The following ZNF804B variants were observed in gnomAD, a reference collection of about 807,000 sequenced individuals.
ZNF804B encodes the protein zinc finger protein 804B.
In ZNF804B, 80 loss-of-function variants were observed where a neutral mutation model predicts 101.4. That is an observed-to-expected ratio of 0.79 (90% CI 0.66 to 0.95). The LOEUF is 0.95. ZNF804B is among the 40% of genes least tolerant of loss of function. The pLI, the probability that ZNF804B is intolerant of heterozygous loss-of-function variation, is 0.00. For missense variants in ZNF804B, 1,673 were observed against 1,561.9 expected, an observed-to-expected ratio of 1.07 and a Z score of -1.20; for synonymous variants, 622 against 558.8, an observed-to-expected ratio of 1.11 and a Z score of -1.59.
chr7:89,216,833 G>T (rs983265533), intron 1 of ZNF804B, among the ~76,000 whole-genome samples: 6 of 152,112 alleles, frequency 3.9e-5, no homozygotes, highest in Non-Finnish European at 5.9e-5. Context: ...TCTTTCTATT[G>T]AGGGTAGTCG....
At chr7:88,800,716 G>A (rs1790566014) in intron 1 of ZNF804B, among the ~76,000 whole-genome samples, 1 of 151,522 alleles carries the variant, frequency 6.6e-6, no homozygotes, top group African/African-American at 2.4e-5. Context: ...GTGTGTGTGT[G>A]TGTGTGTGTG....
chr7:89,065,584 AC>A (rs1789445233), intron 1 of ZNF804B, among the ~76,000 whole-genome samples: 1 of 152,136 alleles, frequency 6.6e-6, no homozygotes, highest in South Asian at 2.1e-4. Context: ...AATTCCCACA[AC>A]ACACAGTGGG....
At chr7:89,177,196 C>A (rs1791335647) in intron 1 of ZNF804B, among the ~76,000 whole-genome samples, 1 of 152,070 alleles carries the variant, frequency 6.6e-6, no homozygotes, top group African/African-American at 2.4e-5. Flanking sequence ...ATTTAAGATG[C>A]ATCATTAGGT....
intron 1 of ZNF804B, among the ~76,000 whole-genome samples, chr7:89,145,358 T>C (rs1790776726): frequency 6.6e-6 from 1 of 152,002 alleles, no homozygotes; most frequent in Admixed American, 6.6e-5. Context: ...AAGACAATAA[T>C]ATAAACAGTA....
Position 89,213,780 on chromosome 7 carries a change from A to C in ZNF804B, c.109-4375A>C, listed in dbSNP as rs73397134. 4.4e-3 allele frequency among the ~76,000 whole-genome samples: 666 copies of C among 151,212 alleles called. 8 individuals carry two copies. The highest frequency in any genetic ancestry group is 0.015 in the African/African-American group (635 of 41,164). ...GCTTTAATCCAGTGAATGAATTTCTAAACATGTTTGTGCCTTATTTTCCAT... is the reference window on the plus strand; with the variant it reads ...GCTTTAATCCAGTGAATGAATTTCTCAACATGTTTGTGCCTTATTTTCCAT... On this transcript the variant is annotated intron_variant, in intron 1 of 3. Coordinates refer to ENST00000333190, the MANE Select transcript of ZNF804B (RefSeq NM_181646.5).
At position 89,137,765 on chromosome 7, in the gene ZNF804B, G is replaced by A. The variant is rs552073567; in HGVS notation, c.109-80390G>A. On this transcript the variant is annotated intron_variant, in intron 1 of 3. Coordinates refer to ENST00000333190, the MANE Select transcript of ZNF804B (RefSeq NM_181646.5). ...CAGAAATGAGCATAAATAATGAGAAGCCTAATGTTAATCACCAAGGCAATG... is the reference window on the plus strand; with the variant it reads ...CAGAAATGAGCATAAATAATGAGAAACCTAATGTTAATCACCAAGGCAATG... Among the ~76,000 whole-genome samples, 107 of 152,232 alleles carry A rather than the reference G, an allele frequency of 7.0e-4. No individual in the cohort carries two copies. In the South Asian group the frequency reaches 0.021, roughly 30 times the overall value.
intron 1 of ZNF804B, among the ~76,000 whole-genome samples, chr7:89,052,831 C>G (rs891947887): frequency 2.0e-5 from 3 of 152,204 alleles, no homozygotes; most frequent in African/African-American, 7.2e-5. Context: ...CCCACACTCA[C>G]TTCTTTGCAC....
intron 2 of ZNF804B, among the ~76,000 whole-genome samples, chr7:89,225,010 ACTGGCTATAG>A (rs1411617977): frequency 6.6e-6 from 1 of 152,020 alleles, no homozygotes; most frequent in Non-Finnish European, 1.5e-5. Flanking sequence ...ACCTTATGAC[ACTGGCTATAG>A]CTGACTGTTC....
Position 88,791,399 on chromosome 7 carries a change from C to T in ZNF804B, c.108+31315C>T, listed in dbSNP as rs184242891. 4.6e-5 allele frequency among the ~76,000 whole-genome samples: 7 copies of T among 152,070 alleles called. No individual in the cohort carries two copies. The East Asian group carries it at 7.7e-4, about 17-fold the overall frequency. ...TTATAGTCACACTGTGTTTATTTTC[C>T]AGTTATTTTCATAGTGAGCCTTCAT... is the stretch of plus-strand genomic sequence containing the variant. On this transcript the variant is annotated intron_variant, in intron 1 of 3. Coordinates refer to ENST00000333190, the MANE Select transcript of ZNF804B (RefSeq NM_181646.5).
chr7:89,273,513 C>A (rs1170202022), intron 2 of ZNF804B, among the ~76,000 whole-genome samples: 1 of 152,008 alleles, frequency 6.6e-6, no homozygotes, highest in Non-Finnish European at 1.5e-5. Context: ...TCAGTTATAG[C>A]CAACTTATAA....
At chr7:89,257,193 C>T (rs749405735) in intron 2 of ZNF804B, among the ~76,000 whole-genome samples, 2 of 152,088 alleles carry the variant, frequency 1.3e-5, no homozygotes, top group Non-Finnish European at 2.9e-5. Flanking sequence ...TCTCCTGTAG[C>T]TGGAGAAGTG....
Position 88,867,941 on chromosome 7 carries a change from T to C in ZNF804B, c.108+107857T>C, listed in dbSNP as rs1363848933. 2.0e-5 allele frequency among the ~76,000 whole-genome samples: 3 copies of C among 152,220 alleles called. No individual in the cohort carries two copies. The East Asian group carries it at 5.8e-4, about 29-fold the overall frequency. On this transcript the variant is annotated intron_variant, in intron 1 of 3. Coordinates refer to ENST00000333190, the MANE Select transcript of ZNF804B (RefSeq NM_181646.5). ...GATTGTCTGATACTAGACCCCTCAA[T>C]TGTTAACTGCTGGTTATACTAATAT... is the stretch of plus-strand genomic sequence containing the variant.
In ZNF804B at chr7:89,219,642, G is replaced by A. The variant is rs548986676; in HGVS notation, c.249+1347G>A. Among the ~76,000 whole-genome samples the A allele has an allele frequency of 5.7e-4, 86 of 151,386 alleles. 3 individuals carry two copies. The highest frequency in any genetic ancestry group is 1.9e-3 in the African/African-American group (79 of 41,024). On this transcript the variant is annotated intron_variant, in intron 2 of 3. Coordinates refer to ENST00000333190, the MANE Select transcript of ZNF804B (RefSeq NM_181646.5). The stretch of plus-strand genomic sequence containing the variant: ...TTAGGAATGTTAAATACCACCGACT[G>A]AGAAAAAAAATTTCATGTGGCCAAA...
At chr7:88,845,581 G>GTTTT (rs576402162) in intron 1 of ZNF804B, among the ~76,000 whole-genome samples, 2 of 147,828 alleles carry the variant, frequency 1.4e-5, no homozygotes, top group African/African-American at 4.9e-5. Flanking sequence ...TTTGCTCAGG[G>GTTTT]TTTTTTTTTT....
At chr7:88,914,144 C>G (rs1792595857) in intron 1 of ZNF804B, among the ~76,000 whole-genome samples, 1 of 152,078 alleles carries the variant, frequency 6.6e-6, no homozygotes, top group Non-Finnish European at 1.5e-5. Flanking sequence ...TCCCTTATAT[C>G]AGTTCACCTT....
At chr7:88,841,485 G>A (rs574675297) in intron 1 of ZNF804B, among the ~76,000 whole-genome samples, 3 of 152,052 alleles carry the variant, frequency 2.0e-5, no homozygotes, top group Non-Finnish European at 4.4e-5. Context: ...ATCAATGCTG[G>A]GAAGGTAATA....
At chr7:89,089,647 C>T (rs1789853707) in intron 1 of ZNF804B, among the ~76,000 whole-genome samples, 4 of 151,760 alleles carry the variant, frequency 2.6e-5, no homozygotes, top group African/African-American at 9.7e-5. Flanking sequence ...AACAAAACAT[C>T]TAAATATATT....
chr7:88,978,206 G>A (rs1244449249), intron 1 of ZNF804B, among the ~76,000 whole-genome samples: 1 of 151,552 alleles, frequency 6.6e-6, no homozygotes, highest in Non-Finnish European at 1.5e-5. Flanking sequence ...GGATTCTGTA[G>A]CCATTGAGTT....
chr7:89,167,591 T>C (rs1454990570), intron 1 of ZNF804B, among the ~76,000 whole-genome samples: 3 of 152,196 alleles, frequency 2.0e-5, no homozygotes, highest in Admixed American at 1.3e-4. Context: ...GTGTACTTTC[T>C]ATAACGCTTT....
Sources: gnomAD v4.1 joint callset for allele counts (sites outside exome capture counted in the v4.1 genomes callset) on GRCh38, gnomAD v4.1.1 for gene constraint, MANE v1.5 for transcripts, NCBI Gene and HGNC (gene_info 2026-07-23, HGNC 2026-07-21) for gene names.